The following DTNA variants were observed in gnomAD, a reference collection of about 807,000 sequenced individuals.
DTNA encodes dystrophin-related protein 3.
Under a neutral mutation model 100.7 loss-of-function variants are expected in DTNA, and 43 were observed. The ratio of observed to expected loss-of-function variants is 0.43; its 90% confidence interval spans 0.33 to 0.55. DTNA has a LOEUF of 0.55. Among genes scored for constraint, DTNA ranks in the 20% least tolerant of loss-of-function variants. The pLI, the probability that DTNA is intolerant of heterozygous loss-of-function variation, is 0.04. For synonymous variants in DTNA, 349 were observed against 347.9 expected, an observed-to-expected ratio of 1.00 and a Z score of -0.04; for missense variants, 798 against 953.9, an observed-to-expected ratio of 0.84 and a Z score of 2.15.
chr18:34,755,438 A>C (rs535319355), intron 1 of DTNA: 1 of 159,854 alleles, frequency 6.3e-6, no homozygotes, highest in Non-Finnish European at 1.4e-5. Flanking sequence ...CAACTTAGAA[A>C]TGAACATTTA....
intron 16 of DTNA, among the ~76,000 whole-genome samples, chr18:34,858,778 T>C (rs2096582089): frequency 6.6e-6 from 1 of 151,832 alleles, no homozygotes; most frequent in South Asian, 2.1e-4. Context: ...ACCTGGCTAA[T>C]TTTTTTGTAT....
chr18:34,671,951 G>A (rs1464491938), intron 1 of DTNA, among the ~76,000 whole-genome samples: 2 of 152,166 alleles, frequency 1.3e-5, no homozygotes, highest in Non-Finnish European at 2.9e-5. Context: ...ATACCTGCTT[G>A]TAGGTAACTA....
chr18:34,845,353 C>T (rs149420334), intron 13 of DTNA, among the ~76,000 whole-genome samples: 9 of 152,250 alleles, frequency 5.9e-5, no homozygotes, highest in East Asian at 1.9e-4. Flanking sequence ...TATATCTTCA[C>T]GTCTTACATT....
intron 1 of DTNA, among the ~76,000 whole-genome samples, chr18:34,716,819 A>G (rs989936836): frequency 3.3e-5 from 5 of 152,066 alleles, no homozygotes; most frequent in Non-Finnish European, 7.4e-5. Flanking sequence ...TTACCCATGT[A>G]TATGTGTTTG....
At chr18:34,760,039 G>A (rs7228547) in intron 2 of DTNA, 21,416 of 152,030 alleles carry the variant, frequency 0.14, 1,817 homozygotes, top group African/African-American at 0.25. Context: ...GGCTGAAGTC[G>A]GCACATGCAC....
chr18:34,663,596 A>T (rs1446948705), intron 1 of DTNA, among the ~76,000 whole-genome samples: 3 of 149,880 alleles, frequency 2.0e-5, no homozygotes, highest in South Asian at 2.1e-4. Flanking sequence ...TTCATAGAAC[A>T]TTTTTTTTTT....
At chr18:34,722,648 T>C (rs2085616383) in intron 1 of DTNA, among the ~76,000 whole-genome samples, 1 of 142,656 alleles carries the variant, frequency 7.0e-6, no homozygotes, top group Non-Finnish European at 1.6e-5. Flanking sequence ...AAGCCATCTT[T>C]AGAATCAAGA....
chr18:34,665,500 G>A (rs1228420538), intron 1 of DTNA, among the ~76,000 whole-genome samples: 1 of 152,058 alleles, frequency 6.6e-6, no homozygotes, highest in Non-Finnish European at 1.5e-5. Context: ...GTATACATGT[G>A]CCATATTGGT....
rs529807567 is a variant in DTNA at position 34,821,116 on chromosome 18, A to G, written c.1001+201A>G. 11 of 732,172 alleles carry G rather than the reference A, an allele frequency of 1.5e-5. 1 individual carries two copies. In the South Asian group the frequency reaches 1.6e-4, roughly 11 times the overall value. 45.4% of individuals were successfully genotyped at this position (732,172 alleles called of 1,614,324 possible). On this transcript the variant is annotated intron_variant, in intron 9 of 22. Coordinates refer to ENST00000444659, the MANE Select transcript of DTNA (RefSeq NM_001386795.1). ...TTCCACCAGGCTGGACAAGTAAAGT[A>G]TGCAACACTAACATAATTCACCTGG... is the stretch of plus-strand genomic sequence containing the variant.
At chr18:34,571,126 A>G (rs1398085911) in intron 1 of DTNA, among the ~76,000 whole-genome samples, 1 of 152,200 alleles carries the variant, frequency 6.6e-6, no homozygotes, top group Admixed American at 6.5e-5. Context: ...ATTCAAGCCT[A>G]TATTGACTGG....
intron 3 of DTNA, among the ~76,000 whole-genome samples, chr18:34,786,536 T>A (rs997888602): frequency 6.6e-6 from 1 of 151,990 alleles, no homozygotes; most frequent in Admixed American, 6.6e-5. Flanking sequence ...GGAAAACAAG[T>A]CATAACAGAA....
intron 1 of DTNA, among the ~76,000 whole-genome samples, chr18:34,744,018 A>G (rs16965831): frequency 0.013 from 2,016 of 152,144 alleles, 26 homozygotes; most frequent in African/African-American, 0.046. Flanking sequence ...AGCCATTATT[A>G]TTTCCTTTTC....
chr18:34,658,441 C>T (rs1027493821), intron 1 of DTNA, among the ~76,000 whole-genome samples: 1 of 152,096 alleles, frequency 6.6e-6, no homozygotes, highest in African/African-American at 2.4e-5. Context: ...TAATCTCTGC[C>T]CCCCGGGTTC....
intron 1 of DTNA, among the ~76,000 whole-genome samples, chr18:34,569,991 A>T (rs1355731692): frequency 2.0e-5 from 3 of 152,212 alleles, no homozygotes; most frequent in Non-Finnish European, 4.4e-5. Context: ...AAAATTAACC[A>T]TATGACACAT....
At chr18:34,573,813 T>C (rs1310307942) in intron 1 of DTNA, among the ~76,000 whole-genome samples, 3 of 152,214 alleles carry the variant, frequency 2.0e-5, no homozygotes, top group Non-Finnish European at 4.4e-5. Flanking sequence ...TCCTCCTGCC[T>C]AGCTAAAATT....
intron 1 of DTNA, among the ~76,000 whole-genome samples, chr18:34,627,238 G>C (rs564455418): frequency 2.6e-5 from 4 of 151,854 alleles, no homozygotes; most frequent in South Asian, 4.1e-4. Context: ...GTGTTCACTT[G>C]GTTGGTCAAA....
intron 1 of DTNA, among the ~76,000 whole-genome samples, chr18:34,602,098 C>T (rs1024131775): frequency 1.3e-5 from 2 of 152,094 alleles, no homozygotes; most frequent in African/African-American, 2.4e-5. Flanking sequence ...TACATAGTCT[C>T]GAATAGCATT....
At chr18:34,796,370 T>C (rs9960369) in intron 4 of DTNA, among the ~76,000 whole-genome samples, 3,855 of 152,348 alleles carry the variant, frequency 0.025, 167 homozygotes, top group African/African-American at 0.087. Context: ...GTTCAAATTC[T>C]ATTTCTTATA....
chr18:34,520,546 A>T (rs1293085252), intron 1 of DTNA, among the ~76,000 whole-genome samples: 1 of 152,036 alleles, frequency 6.6e-6, no homozygotes, highest in African/African-American at 2.4e-5. Context: ...TCCAGCTACT[A>T]GGGAGACTGA....
Sources: allele counts gnomAD v4.1 joint callset (sites outside exome capture counted in the v4.1 genomes callset), GRCh38; gene constraint gnomAD v4.1.1; transcripts MANE v1.5; gene names NCBI Gene and HGNC (gene_info 2026-07-23, HGNC 2026-07-21).